Variants in ZMYND11 observed in about 807,000 individuals in gnomAD.
The protein encoded by ZMYND11 is zinc finger MYND-type containing 11.
A neutral mutation model predicts 84.9 loss-of-function variants in ZMYND11; 9 were observed. That is an observed-to-expected ratio of 0.11 (90% CI 0.06 to 0.18). The LOEUF is 0.18. Among genes scored for constraint, ZMYND11 ranks in the 10% least tolerant of loss-of-function variants. The pLI is 1.00. For synonymous variants in ZMYND11, 250 were observed against 244.1 expected, an observed-to-expected ratio of 1.02 and a Z score of -0.23; for missense variants, 409 against 761.0, an observed-to-expected ratio of 0.54 and a Z score of 5.44.
intron 4 of ZMYND11, among the ~76,000 whole-genome samples, chr10:234,852 G>A (rs931742190): frequency 6.6e-6 from 1 of 152,202 alleles, no homozygotes; most frequent in Non-Finnish European, 1.5e-5. Flanking sequence ...CTAGTAAGTA[G>A]CTGATTGATT....
chr10:177,249 A>G (rs2131739815), intron 1 of ZMYND11, among the ~76,000 whole-genome samples: 1 of 152,272 alleles, frequency 6.6e-6, no homozygotes, highest in East Asian at 1.9e-4. Flanking sequence ...CCATGGGTCA[A>G]GTTGTTTTTG....
At chr10:158,998 T>TTTTTTTTTTTTTTTTTTTTTTG (rs1842373319) in intron 1 of ZMYND11, among the ~76,000 whole-genome samples, 1 of 147,678 alleles carries the variant, frequency 6.8e-6, no homozygotes, top group East Asian at 2.0e-4. Context: ...TTTGTTTTTT[T>TTTTTTTTTTTTTTTTTTTTTTG]TTTTTTTTTT....
intron 1 of ZMYND11, among the ~76,000 whole-genome samples, chr10:136,257 C>T (rs1371586872): frequency 1.3e-5 from 2 of 152,156 alleles, no homozygotes; most frequent in Admixed American, 6.5e-5. Context: ...CGCCGGGACC[C>T]GGACTTTCAC....
intron 1 of ZMYND11, among the ~76,000 whole-genome samples, chr10:176,925 T>TGG (rs1846760504): frequency 1.3e-5 from 2 of 152,268 alleles, no homozygotes; most frequent in Middle Eastern, 3.4e-3. Context: ...CAGATAAGGA[T>TGG]GGACTGTAAG....
At chr10:159,597 C>T (rs530349233) in intron 1 of ZMYND11, among the ~76,000 whole-genome samples, 1 of 151,936 alleles carries the variant, frequency 6.6e-6, no homozygotes, top group Admixed American at 6.6e-5. Context: ...GATTTTGGGG[C>T]GTATTCTGAA....
intron 3 of ZMYND11, among the ~76,000 whole-genome samples, chr10:216,436 C>T (rs1203783340): frequency 1.3e-5 from 2 of 151,962 alleles, no homozygotes; most frequent in African/African-American, 4.8e-5. Context: ...ATTTGATGCC[C>T]CTTGGATACT....
rs1177757287 is a variant in ZMYND11, at chr10:253,328, C to T, written c.*858C>T. The stretch of plus-strand genomic sequence containing the variant: ...ATTTGTTTAATGCTTCCCTTCCCTT[C>T]CCACATATCATCTCACTGCCTATTA... On this transcript the variant is annotated 3_prime_UTR_variant, in exon 15 of 15. Transcript: ENST00000381604. 6.6e-6 allele frequency: 1 copy of T among 152,632 alleles called. No homozygotes were observed. The highest frequency in any genetic ancestry group is 2.4e-5 in the African/African-American group (1 of 41,432). The allele number at this position is 152,632 out of a possible 1,614,324, so 9.5% of individuals were successfully genotyped here.
chr10:134,982 C>G (rs1429559787), upstream of ZMYND11: 1 of 149,526 alleles, frequency 6.7e-6, no homozygotes, highest in Admixed American at 6.7e-5. Context: ...GCCGCTAGAG[C>G]CCCCAGTGCG....
intron 4 of ZMYND11, among the ~76,000 whole-genome samples, chr10:230,201 G>T (rs1249520599): frequency 6.6e-6 from 1 of 152,068 alleles, no homozygotes; most frequent in Non-Finnish European, 1.5e-5. Flanking sequence ...CCTACCGAGC[G>T]CGGTAGCTCA....
In ZMYND11 at chr10:246,855, G is replaced by C; in HGVS notation, c.1040G>C (p.Cys347Ser). Residue 347 changes from cysteine (C) to serine (S), a missense_variant, in exon 11 of 15, where the codon TGT becomes TCT. Cys to Ser is a moderately radical substitution (Grantham distance 112). Transcript: ENST00000381604. ...VKRSMGWKKA[C>S]DELELHQRFL... ...CGCAGTATGGGTTGGAAAAAGGCCTGTGATGAGCTGGAGCTGCATCAGCGT... is the reference window on the plus strand; with the variant it reads ...CGCAGTATGGGTTGGAAAAAGGCCTCTGATGAGCTGGAGCTGCATCAGCGT... 1 of 1,614,146 alleles carries C rather than the reference G, an allele frequency of 6.2e-7. No individual in the cohort carries two copies. Among genetic ancestry groups the C allele is most frequent in the Non-Finnish European group, 8.5e-7 (1 of 1,180,030 alleles).
intron 2 of ZMYND11, among the ~76,000 whole-genome samples, chr10:198,990 T>C (rs116092062): frequency 3.0e-3 from 456 of 152,268 alleles, no homozygotes; most frequent in African/African-American, 0.01. Context: ...CACAACCTAG[T>C]CCGTGGGTTC....
intron 4 of ZMYND11, among the ~76,000 whole-genome samples, chr10:230,109 G>T (rs897584208): frequency 3.3e-5 from 5 of 152,130 alleles, no homozygotes; most frequent in African/African-American, 1.2e-4. Flanking sequence ...AGTAATTTAT[G>T]TGTAGATTAG....
intron 1 of ZMYND11, among the ~76,000 whole-genome samples, chr10:160,016 G>A (rs1300413647): frequency 6.6e-6 from 1 of 152,202 alleles, no homozygotes; most frequent in Admixed American, 6.5e-5. Flanking sequence ...CCCCAAAGCA[G>A]TATTGAGTAA....
At chr10:243,757 T>C (rs1010734836) in intron 10 of ZMYND11, among the ~76,000 whole-genome samples, 1 of 152,024 alleles carries the variant, frequency 6.6e-6, no homozygotes, top group African/African-American at 2.4e-5. Flanking sequence ...CCCACCTACT[T>C]GGGAGGCTGA....
At chr10:226,577 G>C (rs2131514530) in intron 4 of ZMYND11, among the ~76,000 whole-genome samples, 1 of 152,112 alleles carries the variant, frequency 6.6e-6, no homozygotes, top group Non-Finnish European at 1.5e-5. Context: ...TTCATATTTA[G>C]ACTAAAATTA....
intron 2 of ZMYND11, among the ~76,000 whole-genome samples, chr10:197,683 G>C (rs1942141008): frequency 6.6e-6 from 1 of 152,172 alleles, no homozygotes; most frequent in Non-Finnish European, 1.5e-5. Context: ...GAAATCTTTA[G>C]GGTTTTCAGA....
At chr10:185,890 G>A (rs1938251996) in intron 2 of ZMYND11, among the ~76,000 whole-genome samples, 3 of 151,888 alleles carry the variant, frequency 2.0e-5, no homozygotes, top group Admixed American at 6.6e-5. Context: ...GTTTAAAAGT[G>A]GAGCCAAAAG....
intron 9 of ZMYND11, among the ~76,000 whole-genome samples, chr10:241,518 A>G (rs1357180294): frequency 6.6e-6 from 1 of 152,022 alleles, no homozygotes; most frequent in African/African-American, 2.4e-5. Context: ...TTCTCCTTTC[A>G]TCCTTTCACA....
chr10:247,616 T>C, intron 12 of ZMYND11, 150 bp downstream of exon 12: 2 of 823,156 alleles, frequency 2.4e-6, no homozygotes, highest in Non-Finnish European at 3.9e-6. Flanking sequence ...ATCCATCAAG[T>C]TGAAACCAGT....
Sources: gnomAD v4.1 joint callset for allele counts (sites outside exome capture counted in the v4.1 genomes callset) on GRCh38, gnomAD v4.1.1 for gene constraint, MANE v1.5 for transcripts, NCBI Gene and HGNC (gene_info 2026-07-23, HGNC 2026-07-21) for gene names.